The following DCC variants were observed in gnomAD, a reference collection of about 807,000 sequenced individuals.
DCC encodes netrin receptor DCC.
Under a neutral mutation model 172.5 loss-of-function variants are expected in DCC, and 58 were observed. The observed-to-expected ratio is 0.34, with a 90% confidence interval of 0.27 to 0.42. DCC has a LOEUF of 0.42. Among genes scored for constraint, DCC ranks in the 10% least tolerant of loss-of-function variants. The pLI, the probability that DCC is intolerant of heterozygous loss-of-function variation, is 1.00. For synonymous variants in DCC, 709 were observed against 644.5 expected, an observed-to-expected ratio of 1.10 and a Z score of -1.52; for missense variants, 1,740 against 1,791.0, an observed-to-expected ratio of 0.97 and a Z score of 0.51.
At chr18:53,413,107 C>T (rs1910088494) in intron 20 of DCC, among the ~76,000 whole-genome samples, 1 of 152,114 alleles carries the variant, frequency 6.6e-6, no homozygotes, top group Admixed American at 6.6e-5. Flanking sequence ...AGCATGCTTC[C>T]CCATGCTGGC....
rs574008760 is a variant in DCC, at chr18:52,926,950, A to G, written c.985+1580A>G. ...ATGTATATATAAACGTATATGATATATACACTATATATGGATATATATACA... is the reference window on the plus strand; with the variant it reads ...ATGTATATATAAACGTATATGATATGTACACTATATATGGATATATATACA... On this transcript the variant is annotated intron_variant, in intron 5 of 28. Transcript: ENST00000442544. Among the ~76,000 whole-genome samples, 13 of 101,954 alleles carry G rather than the reference A, an allele frequency of 1.3e-4. No homozygotes were observed. The South Asian group carries it at 3.4e-3, about 26-fold the overall frequency. The allele number at this position is 101,954 out of a possible 152,430, so 66.9% of individuals were successfully genotyped here. A position where few individuals can be genotyped will look rare whatever the true frequency, so the allele number is the denominator to read the frequency against.
intron 9 of DCC, among the ~76,000 whole-genome samples, chr18:53,185,629 G>A (rs990497879): frequency 2.0e-5 from 3 of 152,080 alleles, no homozygotes; most frequent in Non-Finnish European, 4.4e-5. Context: ...CTACTGTATT[G>A]GAGATCACAG....
At chr18:53,492,256 T>C (rs1307835788) in intron 26 of DCC, among the ~76,000 whole-genome samples, 1 of 152,238 alleles carries the variant, frequency 6.6e-6, no homozygotes, top group African/African-American at 2.4e-5. Flanking sequence ...TCCCATTCTG[T>C]AGGTTGCCTG....
chr18:53,239,229 A>G (rs965912042), intron 12 of DCC, among the ~76,000 whole-genome samples: 2 of 147,592 alleles, frequency 1.4e-5, no homozygotes, highest in Admixed American at 6.7e-5. Flanking sequence ...ATAAAAATGA[A>G]AAAAAAAAAA....
At chr18:53,509,599 G>T (rs1374412518) in intron 27 of DCC, among the ~76,000 whole-genome samples, 1 of 152,156 alleles carries the variant, frequency 6.6e-6, no homozygotes, top group South Asian at 2.1e-4. Flanking sequence ...GTTCATGGAA[G>T]AACTTGTGGG....
At chr18:52,349,036 C>T (rs1350651633) in intron 1 of DCC, among the ~76,000 whole-genome samples, 1 of 152,060 alleles carries the variant, frequency 6.6e-6, no homozygotes, top group Non-Finnish European at 1.5e-5. Flanking sequence ...ATGGTAGACA[C>T]CAAATCTGAG....
chr18:53,357,719 A>G (rs1485794632), intron 15 of DCC, among the ~76,000 whole-genome samples: 1 of 152,196 alleles, frequency 6.6e-6, no homozygotes, highest in Non-Finnish European at 1.5e-5. Context: ...AAATGAAATT[A>G]GAAAGGAGGG....
chr18:52,656,068 A>G (rs946417292), intron 1 of DCC, among the ~76,000 whole-genome samples: 5 of 137,634 alleles, frequency 3.6e-5, no homozygotes, highest in African/African-American at 2.9e-5. Context: ...GTGTATATAT[A>G]TGTGTATATA....
intron 1 of DCC, among the ~76,000 whole-genome samples, chr18:52,730,897 G>C (rs2036629032): frequency 6.6e-6 from 1 of 152,112 alleles, no homozygotes; most frequent in South Asian, 2.1e-4. Context: ...AGACTTCATT[G>C]GTTTTCTAGA....
At chr18:53,363,655 T>C (rs981031954) in intron 15 of DCC, among the ~76,000 whole-genome samples, 3 of 152,278 alleles carry the variant, frequency 2.0e-5, no homozygotes, top group African/African-American at 7.2e-5. Context: ...CATTTCTATA[T>C]GTTTTCTTCC....
intron 1 of DCC, among the ~76,000 whole-genome samples, chr18:52,416,754 A>G (rs1156731618): frequency 1.3e-5 from 2 of 151,516 alleles, no homozygotes; most frequent in Non-Finnish European, 2.9e-5. Context: ...TTTTATTTTG[A>G]GCCTATGTGT....
chr18:53,479,988 T>A (rs886397700), intron 25 of DCC, among the ~76,000 whole-genome samples: 1 of 152,208 alleles, frequency 6.6e-6, no homozygotes, highest in Non-Finnish European at 1.5e-5. Flanking sequence ...AATACTGTGA[T>A]ACCTTAAGCT....
intron 7 of DCC, among the ~76,000 whole-genome samples, chr18:53,105,666 A>C (rs562745789): frequency 1.3e-5 from 2 of 151,884 alleles, no homozygotes; most frequent in African/African-American, 2.4e-5. Flanking sequence ...TCACATTATA[A>C]GCTAAGTTAC....
chr18:52,832,407 T>C (rs953070898), intron 2 of DCC, among the ~76,000 whole-genome samples: 13 of 150,832 alleles, frequency 8.6e-5, no homozygotes, highest in Admixed American at 2.7e-4. Context: ...AGAATTAGGA[T>C]TATAAATAAT....
At chr18:52,440,576 ATGCCT>A (rs1987942586) in intron 1 of DCC, among the ~76,000 whole-genome samples, 1 of 152,210 alleles carries the variant, frequency 6.6e-6, no homozygotes, top group African/African-American at 2.4e-5. Context: ...TAAACAGTAA[ATGCCT>A]CACACAATGG....
intron 2 of DCC, among the ~76,000 whole-genome samples, chr18:52,781,189 A>T (rs2037535249): frequency 6.6e-6 from 1 of 152,126 alleles, no homozygotes; most frequent in Admixed American, 6.5e-5. Context: ...GGCTGTTTGA[A>T]TTCTTCTTGG....
intron 12 of DCC, among the ~76,000 whole-genome samples, chr18:53,271,155 T>C (rs2056743854): frequency 6.6e-6 from 1 of 152,086 alleles, no homozygotes; most frequent in African/African-American, 2.4e-5. Flanking sequence ...AGTGTTTTGG[T>C]TAATAAGTAG....
At chr18:53,017,488 T>C (rs1257729268) in intron 5 of DCC, among the ~76,000 whole-genome samples, 1 of 152,176 alleles carries the variant, frequency 6.6e-6, no homozygotes, top group Non-Finnish European at 1.5e-5. Flanking sequence ...TATAAACAAG[T>C]ATGTCCAGTT....
At chr18:53,318,428 C>T (rs920834671) in intron 13 of DCC, among the ~76,000 whole-genome samples, 16 of 152,024 alleles carry the variant, frequency 1.1e-4, no homozygotes, top group African/African-American at 2.4e-4. Flanking sequence ...AGAATAAGTG[C>T]GATGTGGTGC....
Sources: allele counts gnomAD v4.1 joint callset (sites outside exome capture counted in the v4.1 genomes callset), GRCh38; gene constraint gnomAD v4.1.1; transcripts MANE v1.5; gene names NCBI Gene and HGNC (gene_info 2026-07-23, HGNC 2026-07-21).